Variants in PCDHA2 observed in about 807,000 individuals in gnomAD.
PCDHA2 encodes the protein protocadherin alpha-2.
Under a neutral mutation model 66.0 loss-of-function variants are expected in PCDHA2, and 58 were observed. The ratio of observed to expected loss-of-function variants is 0.88; its 90% CI spans 0.71 to 1.09. The LOEUF is 1.09. Among genes scored for constraint, PCDHA2 ranks in the 50% least tolerant of loss-of-function variants. The pLI is 0.00. For missense variants in PCDHA2, 1,267 were observed against 1,242.3 expected, an observed-to-expected ratio of 1.02 and a Z score of -0.30; for synonymous variants, 634 against 554.0, an observed-to-expected ratio of 1.14 and a Z score of -2.03.
At chr5:140,810,850 A>G (rs1175941230) in intron 1 of PCDHA2, 4 of 151,950 alleles carry the variant, frequency 2.6e-5, no homozygotes, top group Non-Finnish European at 4.4e-5. Flanking sequence ...TTTTGATTAA[A>G]CTCAATTTAT....
At chr5:140,821,254 A>T (rs2150109156) in intron 1 of PCDHA2, among the ~76,000 whole-genome samples, 3 of 152,214 alleles carry the variant, frequency 2.0e-5, no homozygotes, top group Non-Finnish European at 4.4e-5. Context: ...TTTAACTCTT[A>T]AAAGTTATTT....
chr5:141,004,094 G>C (rs962663466), intron 3 of PCDHA2, among the ~76,000 whole-genome samples: 1 of 152,194 alleles, frequency 6.6e-6, no homozygotes, highest in African/African-American at 2.4e-5. Flanking sequence ...TGCTTCTTCC[G>C]TTTTCATCTT....
intron 1 of PCDHA2, chr5:140,848,633 C>T (rs1554142316): frequency 1.9e-6 from 3 of 1,593,314 alleles, no homozygotes; most frequent in Non-Finnish European, 2.6e-6. Context: ...CCTTCGTGGG[C>T]CGCATCGCGC....
At position 140,828,476 on chromosome 5, in the gene PCDHA2, A is replaced by T. The variant is rs2150155737; in HGVS notation, c.2388+31124A>T. 1.4e-5 allele frequency: 22 copies of T among 1,614,168 alleles called. No homozygotes were observed. The South Asian group carries it at 2.4e-4, about 18-fold the overall frequency. On this transcript the variant is annotated intron_variant, in intron 1 of 3. Coordinates refer to ENST00000526136, the MANE Select transcript of PCDHA2 (RefSeq NM_018905.3). ...CGTGGAGGTGAGGGACATTAACGAC[A>T]ACCCGCCCTTGTTCCCGGTAGAGGA...
At chr5:140,967,627 C>G (rs1218869340) in intron 1 of PCDHA2, 16 of 1,614,040 alleles carry the variant, frequency 9.9e-6, no homozygotes, top group Non-Finnish European at 1.3e-5. Context: ...CGGATGAGGG[C>G]TCCAATGGTG....
At chr5:140,823,501 G>A (rs1554129384) in intron 1 of PCDHA2, 3 of 1,613,246 alleles carry the variant, frequency 1.9e-6, no homozygotes, top group African/African-American at 1.3e-5. Context: ...CGGCGGCGCA[G>A]TGAGCGAGCT....
In PCDHA2 at chr5:140,825,021, A is replaced by G. The variant is rs193145934; in HGVS notation, c.2388+27669A>G. The stretch of plus-strand genomic sequence containing the variant: ...ATGGTTTACTGTTCTAAAGGTGCAA[A>G]AGAATACAGTTAAATTTTCCCTTTC... On this transcript the variant is annotated intron_variant, in intron 1 of 3. Coordinates refer to ENST00000526136, the MANE Select transcript of PCDHA2 (RefSeq NM_018905.3). 2.8e-3 allele frequency: 423 copies of G among 152,172 alleles called. 3 individuals are homozygous for G. Among genetic ancestry groups the G allele is most frequent in the African/African-American group, 9.5e-3 (394 of 41,534 alleles). 9.4% of individuals were successfully genotyped at this position (152,172 alleles called of 1,614,324 possible). A position where few individuals can be genotyped will look rare whatever the true frequency, so the allele number is the denominator to read the frequency against.
intron 1 of PCDHA2, chr5:140,809,451 G>A (rs1764468208): frequency 1.2e-6 from 2 of 1,614,248 alleles, no homozygotes; most frequent in Non-Finnish European, 1.7e-6. Context: ...CAGCAGAGGA[G>A]GCCGAGGGTG....
At chr5:140,925,231 G>A (rs2082401450) in intron 1 of PCDHA2, among the ~76,000 whole-genome samples, 1 of 152,154 alleles carries the variant, frequency 6.6e-6, no homozygotes, top group Non-Finnish European at 1.5e-5. Flanking sequence ...GTTTCTACCA[G>A]AAAATATGTC....
chr5:140,804,519 T>C (rs782289885), intron 1 of PCDHA2: 9 of 152,154 alleles, frequency 5.9e-5, no homozygotes, highest in Non-Finnish European at 1.0e-4. Flanking sequence ...CTATCCCTAC[T>C]AGCAAAACTT....
chr5:140,917,955 C>T (rs1439909877), intron 1 of PCDHA2, among the ~76,000 whole-genome samples: 1 of 151,916 alleles, frequency 6.6e-6, no homozygotes, highest in Admixed American at 6.6e-5. Context: ...TTGATAGGAA[C>T]ATCATTGAAT....
chr5:140,817,295 A>AG (rs1269324831), intron 1 of PCDHA2: 16 of 152,208 alleles, frequency 1.1e-4, no homozygotes, highest in Non-Finnish European at 2.1e-4. Flanking sequence ...ATGGGACTAT[A>AG]GGGAAAGTGC....
Position 140,871,393 on chromosome 5 carries a change from C to G in PCDHA2, c.2388+74041C>G, listed in dbSNP as rs782354799. The G allele has an allele frequency of 6.2e-6, 10 of 1,614,130 alleles. No individual in the cohort carries two copies. The East Asian group carries it at 2.2e-4, about 36-fold the overall frequency. ...GAGGGTGTGCTCTGAGGAGGGCCCA[C>G]CTAAGACGGACCTCATGGCCTTCAG... On this transcript the variant is annotated intron_variant, in intron 1 of 3. Transcript: ENST00000526136.
chr5:140,851,635 T>C (rs2042114429), intron 1 of PCDHA2: 8 of 917,242 alleles, frequency 8.7e-6, no homozygotes, highest in Non-Finnish European at 1.1e-5. Flanking sequence ...AACAAGTGTT[T>C]CCTTTCTTCA....
Position 140,801,139 on chromosome 5 carries a change from A to T in PCDHA2, c.2388+3787A>T, listed in dbSNP as rs1430872212. 3 of 1,526,066 alleles carry T rather than the reference A, an allele frequency of 2.0e-6. No homozygotes were observed. The African/African-American group carries it at 4.2e-5, about 21-fold the overall frequency. The allele number at this position is 1,526,066 out of a possible 1,614,324, so 94.5% of individuals were successfully genotyped here. ...TTAAGAAATGAAGATAAGGAACTCG[A>T]ATTATTTTTAAACTTTGGATCAATG... is the stretch of plus-strand genomic sequence containing the variant. On this transcript the variant is annotated intron_variant, in intron 1 of 3. Transcript: ENST00000526136.
intron 1 of PCDHA2, among the ~76,000 whole-genome samples, chr5:140,960,401 G>C (rs1219932748): frequency 2.0e-5 from 3 of 151,956 alleles, no homozygotes; most frequent in African/African-American, 7.3e-5. Flanking sequence ...TGCAAGGGGG[G>C]GTGCCCAAAA....
chr5:140,819,833 A>G (rs1766634676), intron 1 of PCDHA2, among the ~76,000 whole-genome samples: 1 of 152,046 alleles, frequency 6.6e-6, no homozygotes, highest in South Asian at 2.1e-4. Flanking sequence ...GATATTGTTG[A>G]TGACTTTTTC....
intron 1 of PCDHA2, chr5:140,803,508 G>A (rs1763222115): frequency 6.2e-7 from 1 of 1,614,240 alleles, no homozygotes; most frequent in Non-Finnish European, 8.5e-7. Flanking sequence ...CGACCTCATG[G>A]CTTTTAGCCC....
intron 1 of PCDHA2, chr5:140,843,673 T>G: frequency 6.3e-7 from 1 of 1,592,546 alleles, no homozygotes; most frequent in Non-Finnish European, 8.6e-7. Flanking sequence ...GATCAGTTGA[T>G]GTAGGCGAAG....
Sources: gnomAD v4.1 joint callset for allele counts (sites outside exome capture counted in the v4.1 genomes callset) on GRCh38, gnomAD v4.1.1 for gene constraint, MANE v1.5 for transcripts, NCBI Gene and HGNC (gene_info 2026-07-23, HGNC 2026-07-21) for gene names.